EZR: variants seen among roughly 807,000 people sequenced by gnomAD.
EZR encodes the protein cytovillin 2.
EZR carries 40 observed loss-of-function variants against 74.8 expected under a neutral mutation model. The observed-to-expected ratio is 0.53, with a 90% CI of 0.42 to 0.70. The LOEUF (loss-of-function observed/expected upper bound fraction) is 0.70. Ranked by LOEUF, EZR falls within the 30% of genes least tolerant of loss-of-function variation. The probability of loss-of-function intolerance (pLI) is 0.00; values close to 1 mark genes in which losing one functional copy is unlikely to be tolerated. For missense variants in EZR, 678 were observed against 755.8 expected (o/e 0.90, Z 1.21); for synonymous variants, 341 against 283.3 (o/e 1.20, Z -2.05).
At chr6:158,767,538 A>C (rs1021307150) in intron 12 of EZR, 26 bp from the exon 13 acceptor site, 2 of 1,549,690 alleles carry the variant, frequency 1.3e-6, no homozygotes, top group African/African-American at 2.7e-5. Flanking sequence ...TAATAAGAGG[A>C]CTTCTCACCC....
At chr6:158,801,215 A>G (rs568882157) in intron 2 of EZR, among the ~76,000 whole-genome samples, 1 of 152,270 alleles carries the variant, frequency 6.6e-6, no homozygotes, top group African/African-American at 2.4e-5. Context: ...CCCGGGTTCA[A>G]GCGATTCTCC....
intron 8 of EZR, among the ~76,000 whole-genome samples, chr6:158,775,012 G>T (rs9347252): frequency 0.41 from 59,934 of 147,984 alleles, 12,868 homozygotes; most frequent in Non-Finnish European, 0.48. Flanking sequence ...TAGCAGCCAA[G>T]AGTTTGCAAA....
intron 8 of EZR, among the ~76,000 whole-genome samples, chr6:158,774,760 C>A (rs1791223719): frequency 6.6e-6 from 1 of 151,076 alleles, no homozygotes; most frequent in Non-Finnish European, 1.5e-5. Flanking sequence ...CTGCTCTAGT[C>A]AAATTTTTAA....
At chr6:158,813,711 C>T (rs932810054) in intron 2 of EZR, among the ~76,000 whole-genome samples, 2 of 152,216 alleles carry the variant, frequency 1.3e-5, no homozygotes, top group Admixed American at 6.5e-5. Flanking sequence ...AAAATTTTGG[C>T]ACAGTAGAAA....
rs148405338 is a variant in EZR at position 158,773,116 on chromosome 6, T to G, written c.796-1709A>C. ...GAGGAAACAATCCTGCATTACAGCT[T>G]TGGAGGACTCTACCAAATAGGCCCT... On this transcript the variant is annotated intron_variant, in intron 8 of 13. Transcript: ENST00000367075. Among the ~76,000 whole-genome samples, 246 of 152,324 alleles carry G rather than the reference T, an allele frequency of 1.6e-3. 1 individual carries two copies. Among genetic ancestry groups the G allele is most frequent in the African/African-American group, 5.6e-3 (232 of 41,558 alleles).
intron 2 of EZR, among the ~76,000 whole-genome samples, chr6:158,790,386 A>C (rs1791706625): frequency 6.6e-6 from 1 of 152,234 alleles, no homozygotes; most frequent in South Asian, 2.1e-4. Flanking sequence ...AAAAAAACAA[A>C]ACACTGTCGG....
chr6:158,770,972 T>C, intron 9 of EZR, 78 bp from the exon 10 acceptor site: 2 of 1,596,536 alleles, frequency 1.3e-6, no homozygotes, highest in Non-Finnish European at 1.7e-6. Context: ...TCACGGGTAC[T>C]TGAAGCTCCA....
chr6:158,785,602 ACT>A lies in EZR; in HGVS notation c.193-21_193-20del. The A allele has an allele frequency of 6.2e-7, 1 of 1,609,618 alleles. No homozygotes were observed. The highest frequency in any genetic ancestry group is 8.5e-7 in the Non-Finnish European group (1 of 1,176,532). On this transcript the variant is annotated intron_variant, in intron 4 of 13. Transcript: ENST00000367075. ...CAGACACCTGCACGAAACAAGCCAC[ACT>A]CTCCACACAAATCCGGAAGACGAAG...
chr6:158,811,424 C>G (rs1777449089), intron 2 of EZR, among the ~76,000 whole-genome samples: 1 of 151,476 alleles, frequency 6.6e-6, no homozygotes, highest in Non-Finnish European at 1.5e-5. Flanking sequence ...CATTAGAAAG[C>G]AGGTATATCA....
At chr6:158,783,871 G>A (rs1428775575) in intron 6 of EZR, among the ~76,000 whole-genome samples, 6 of 152,224 alleles carry the variant, frequency 3.9e-5, no homozygotes, top group African/African-American at 1.2e-4. Context: ...GGTGGGGTCC[G>A]TGCTGCCCTG....
At chr6:158,775,063 C>A (rs1179927575) in intron 8 of EZR, among the ~76,000 whole-genome samples, 1 of 123,140 alleles carries the variant, frequency 8.1e-6, no homozygotes, top group African/African-American at 3.2e-5. Context: ...GAGACGGAGT[C>A]TAGCTCTGTC....
chr6:158,767,422 C>G lies in EZR; in HGVS notation c.1435G>C (p.Glu479Gln), dbSNP rs371154803. Residue 479 changes from glutamate (E) to glutamine (Q), a missense_variant, in exon 13 of 14, where the codon GAG (glutamate) becomes CAG (glutamine). Coordinates refer to ENST00000367075, the MANE Select transcript of EZR (RefSeq NM_001111077.2). ...TCCTGGACATGGTAGCTCACCGGCT[C>G]GTACACGGGGGGTGGTGGGGGCGGG... is the stretch of plus-strand genomic sequence containing the variant. ...APPPPPPPVY[E>Q]PVSYHVQESL... The G allele has an allele frequency of 4.3e-6, 7 of 1,609,488 alleles. No homozygotes were observed. Among genetic ancestry groups the G allele is most frequent in the Non-Finnish European group, 5.9e-6 (7 of 1,177,342 alleles).
At chr6:158,780,195 A>C (rs1212717534) in intron 7 of EZR, among the ~76,000 whole-genome samples, 6 of 151,718 alleles carry the variant, frequency 4.0e-5, no homozygotes, top group African/African-American at 7.3e-5. Context: ...AAAAAAAAAA[A>C]AAACCAAGAA....
chr6:158,814,800 CA>C (rs1777520719), intron 2 of EZR, among the ~76,000 whole-genome samples: 1 of 152,140 alleles, frequency 6.6e-6, no homozygotes, highest in Non-Finnish European at 1.5e-5. Context: ...CTCGGCCTCC[CA>C]AAGTGCTGGG....
At chr6:158,770,936 G>A (rs771890889) in intron 9 of EZR, 42 bp from the exon 10 acceptor site, 3 of 1,613,736 alleles carry the variant, frequency 1.9e-6, no homozygotes, top group Non-Finnish European at 2.5e-6. Flanking sequence ...TTAGACTCTG[G>A]CAGGAAAGTG....
At chr6:158,778,076 T>C (rs965855402) in intron 7 of EZR, among the ~76,000 whole-genome samples, 14 of 152,252 alleles carry the variant, frequency 9.2e-5, no homozygotes, top group African/African-American at 3.1e-4. Context: ...ATTGAAAGGC[T>C]GTGAAAGTGG....
At chr6:158,815,162 T>C (rs1477333694) in intron 2 of EZR, among the ~76,000 whole-genome samples, 3 of 152,198 alleles carry the variant, frequency 2.0e-5, no homozygotes, top group Admixed American at 2.0e-4. Flanking sequence ...CAATAAACCT[T>C]TGTTTAAAGG....
intron 8 of EZR, 107 bp downstream of exon 8, chr6:158,776,301 G>A (rs1426074440): frequency 8.8e-6 from 8 of 905,104 alleles, no homozygotes; most frequent in Admixed American, 1.8e-5. Context: ...ACCTCATGAG[G>A]AGTTTGGACT....
At chr6:158,802,682 C>T (rs1777213374) in intron 2 of EZR, among the ~76,000 whole-genome samples, 2 of 152,076 alleles carry the variant, frequency 1.3e-5, no homozygotes, top group Admixed American at 1.3e-4. Flanking sequence ...TAGGCATGTG[C>T]CACCACGCCC....
Sources: gnomAD v4.1 joint callset for allele counts (sites outside exome capture counted in the v4.1 genomes callset) on GRCh38, gnomAD v4.1.1 for gene constraint, MANE v1.5 for transcripts, NCBI Gene and HGNC (gene_info 2026-07-23, HGNC 2026-07-21) for gene names.